The following TSGA10 variants were observed in gnomAD, a reference collection of about 807,000 sequenced individuals.
TSGA10 encodes the protein testis-specific gene 10 protein.
TSGA10 carries 43 observed loss-of-function variants against 96.6 expected under a neutral mutation model. That is an observed-to-expected ratio of 0.44 (90% CI 0.35 to 0.57). TSGA10 has a LOEUF of 0.57. Among genes scored for constraint, TSGA10 ranks in the 20% least tolerant of loss-of-function variants. TSGA10 has a pLI of 0.01. For missense variants in TSGA10, 703 were observed against 834.4 expected, an observed-to-expected ratio of 0.84 and a Z score of 1.94; for synonymous variants, 229 against 269.9, an observed-to-expected ratio of 0.85 and a Z score of 1.48.
intron 16 of TSGA10, among the ~76,000 whole-genome samples, chr2:99,060,791 T>C (rs2084601555): frequency 6.6e-6 from 1 of 152,176 alleles, no homozygotes; most frequent in Non-Finnish European, 1.5e-5. Context: ...TATGATCATT[T>C]GATTTTTGTG....
intron 16 of TSGA10, among the ~76,000 whole-genome samples, chr2:99,054,083 A>G (rs2083710613): frequency 6.6e-6 from 1 of 152,196 alleles, no homozygotes; most frequent in Non-Finnish European, 1.5e-5. Flanking sequence ...ATCTTGAGCA[A>G]AAAGAACAAA....
chr2:99,091,394 A>G (rs2089314289), intron 10 of TSGA10, among the ~76,000 whole-genome samples: 1 of 152,124 alleles, frequency 6.6e-6, no homozygotes, highest in African/African-American at 2.4e-5. Flanking sequence ...ATACATACAT[A>G]CATAAATACC....
At chr2:98,999,787 T>C (rs1383908442) in intron 20 of TSGA10, among the ~76,000 whole-genome samples, 6 of 152,204 alleles carry the variant, frequency 3.9e-5, no homozygotes, top group Admixed American at 3.9e-4. Flanking sequence ...CTCATTCTGT[T>C]GCCCAGGCTA....
intron 16 of TSGA10, among the ~76,000 whole-genome samples, chr2:99,036,722 T>A (rs1044213679): frequency 1.3e-5 from 2 of 152,054 alleles, no homozygotes; most frequent in African/African-American, 4.8e-5. Flanking sequence ...AGACAAATGG[T>A]CAGAGTGGAT....
chr2:99,141,180 G>A (rs1468521176), intron 1 of TSGA10: 3 of 1,236,694 alleles, frequency 2.4e-6, no homozygotes, highest in Non-Finnish European at 3.1e-6. Context: ...GGGGATACAA[G>A]AACCGCCCAC....
chr2:99,064,329 C>CTA (rs1273402900), intron 16 of TSGA10, among the ~76,000 whole-genome samples: 2 of 151,960 alleles, frequency 1.3e-5, no homozygotes, highest in African/African-American at 2.4e-5. Context: ...AAGCAGTACA[C>CTA]TATATATATA....
intron 9 of TSGA10, 95 bp from the exon 10 acceptor site, chr2:99,104,213 G>T: frequency 7.2e-7 from 1 of 1,380,944 alleles, no homozygotes; most frequent in Non-Finnish European, 9.9e-7. Flanking sequence ...CTGGTTTATG[G>T]CAAGACTGAC....
chr2:99,150,707 A>T (rs2093684883), intron 1 of TSGA10: 2 of 1,613,986 alleles, frequency 1.2e-6, no homozygotes, highest in Non-Finnish European at 1.7e-6. Flanking sequence ...ATAAGATTAG[A>T]AGACACAAAT....
At chr2:99,110,186 A>G (rs1386508856) in intron 5 of TSGA10, among the ~76,000 whole-genome samples, 1 of 152,170 alleles carries the variant, frequency 6.6e-6, no homozygotes, top group African/African-American at 2.4e-5. Flanking sequence ...AACACATGCT[A>G]CTACTAAAGC....
intron 17 of TSGA10, among the ~76,000 whole-genome samples, chr2:99,023,994 G>A (rs1175570160): frequency 6.6e-6 from 1 of 152,180 alleles, no homozygotes; most frequent in Non-Finnish European, 1.5e-5. Context: ...TCTTAACAAT[G>A]ATAAGTGTTC....
At chr2:99,009,489 G>A (rs1019341788) in intron 20 of TSGA10, among the ~76,000 whole-genome samples, 4 of 149,712 alleles carry the variant, frequency 2.7e-5, no homozygotes, top group Admixed American at 6.7e-5. Flanking sequence ...GGAGAATGGC[G>A]TGAACCTGGG....
chr2:99,120,980 A>C (rs34272114), intron 2 of TSGA10, among the ~76,000 whole-genome samples: 77,259 of 152,072 alleles, frequency 0.51, 21,554 homozygotes, highest in Middle Eastern at 0.7. Context: ...GATCCACGCA[A>C]GTTGTTATTT....
chr2:99,048,841 G>T (rs982056559), intron 16 of TSGA10, among the ~76,000 whole-genome samples: 1 of 151,914 alleles, frequency 6.6e-6, no homozygotes, highest in African/African-American at 2.4e-5. Context: ...TCTGACAAAG[G>T]GCTAATATCC....
At chr2:99,011,483 T>A (rs1418318676) in intron 20 of TSGA10, among the ~76,000 whole-genome samples, 1 of 152,060 alleles carries the variant, frequency 6.6e-6, no homozygotes, top group Non-Finnish European at 1.5e-5. Flanking sequence ...AAAAGAATTT[T>A]AAAAAATGAA....
chr2:99,139,193 G>A (rs1344035515), intron 1 of TSGA10, among the ~76,000 whole-genome samples: 1 of 152,132 alleles, frequency 6.6e-6, no homozygotes, highest in Admixed American at 6.5e-5. Context: ...AGCCCGGGAG[G>A]TCAAGGCTGC....
chr2:99,071,864 C>T lies in TSGA10; in HGVS notation c.949G>A (p.Glu317Lys). The change falls in exon 14 of 21, where the codon GAG becomes AAG. Residue 317 changes from glutamate to lysine, a missense_variant. Around this residue, in one of 3 missense-constraint regions of TSGA10, gnomAD observed 585 missense variants for 656.8 expected, o/e 0.89. Coordinates refer to ENST00000393483, the MANE Select transcript of TSGA10 (RefSeq NM_025244.4). ...TCTTGTTCACACACAATTAGGGCCT[C>T]AGTACACTGTCTATTCCACAAATCA... is the stretch of plus-strand genomic sequence containing the variant. ...EMEQASRQCT[E>K]ALIVCEQDVS... 1 of 1,613,184 alleles carries T rather than the reference C, an allele frequency of 6.2e-7. No homozygotes were observed. The highest frequency in any genetic ancestry group is 1.1e-5 in the South Asian group (1 of 90,870).
At chr2:99,118,468 A>AGTATATATACATATATATATAC (rs2092397378) in intron 3 of TSGA10, 83 bp downstream of exon 3, 1 of 434,626 alleles carries the variant, frequency 2.3e-6, no homozygotes, top group Admixed American at 6.8e-5. Flanking sequence ...AAAAAAAAAA[A>AGTATATATACATATATATATAC]GTATATATAC....
chr2:99,048,375 A>T (rs2083016468), intron 16 of TSGA10, among the ~76,000 whole-genome samples: 2 of 152,156 alleles, frequency 1.3e-5, no homozygotes, highest in African/African-American at 4.8e-5. Flanking sequence ...CAAAACATAT[A>T]TATATACACA....
chr2:99,153,321 T>C (rs1306497532), intron 1 of TSGA10, among the ~76,000 whole-genome samples: 7 of 152,208 alleles, frequency 4.6e-5, no homozygotes, highest in Admixed American at 4.6e-4. Context: ...AGAAAGTAGA[T>C]ACTGGATGTA....
Sources: allele counts gnomAD v4.1 joint callset (sites outside exome capture counted in the v4.1 genomes callset), GRCh38; gene constraint gnomAD v4.1.1; regional missense constraint gnomAD v4.1.1; transcripts MANE v1.5; gene names NCBI Gene and HGNC (gene_info 2026-07-23, HGNC 2026-07-21).